The following PRRX2 variants were observed in gnomAD, a reference collection of about 807,000 sequenced individuals.
The protein encoded by PRRX2 is paired mesoderm homeobox protein 2.
Under a neutral mutation model 18.0 loss-of-function variants are expected in PRRX2, and 11 were observed. The observed-to-expected ratio is 0.61, with a 90% CI of 0.39 to 1.01. PRRX2 has a LOEUF of 1.01. Ranked by LOEUF, PRRX2 falls within the 50% of genes least tolerant of loss-of-function variation. The pLI is 0.01. For missense variants in PRRX2, 387 were observed against 351.0 expected (o/e 1.10, Z -0.82); for synonymous variants, 177 against 154.8 (o/e 1.14, Z -1.06).
chr9:129,669,329 G>A (rs1016253375), intron 1 of PRRX2, among the ~76,000 whole-genome samples: 1 of 152,250 alleles, frequency 6.6e-6, no homozygotes, highest in Non-Finnish European at 1.5e-5. Context: ...CCAGTCAAAC[G>A]CTGAGGGCTG....
intron 1 of PRRX2, among the ~76,000 whole-genome samples, chr9:129,698,257 C>CGGGGGGGGGGGG (rs56233939): frequency 4.9e-5 from 1 of 20,600 alleles, no homozygotes; most frequent in African/African-American, 1.5e-4. Flanking sequence ...TTGGATGGGG[C>CGGGGGGGGGGGG]GGGGGGGGGG....
At chr9:129,676,053 T>A (rs1588162287) in intron 1 of PRRX2, among the ~76,000 whole-genome samples, 1 of 152,170 alleles carries the variant, frequency 6.6e-6, no homozygotes, top group Admixed American at 6.5e-5. Flanking sequence ...CCACCCCAGG[T>A]GGGTGTAGAA....
At chr9:129,696,905 A>AC (rs1564150521) in intron 1 of PRRX2, among the ~76,000 whole-genome samples, 1 of 151,236 alleles carries the variant, frequency 6.6e-6, no homozygotes, top group Admixed American at 6.6e-5. Flanking sequence ...TGCAGCGCGG[A>AC]CCCCCCTGGG....
At chr9:129,688,168 C>T (rs1431600479) in intron 1 of PRRX2, among the ~76,000 whole-genome samples, 2 of 152,044 alleles carry the variant, frequency 1.3e-5, no homozygotes, top group African/African-American at 4.8e-5. Context: ...CTCAAGCCAT[C>T]CTCCCACCTC....
At chr9:129,668,637 T>G (rs1170817235) in intron 1 of PRRX2, among the ~76,000 whole-genome samples, 8 of 149,578 alleles carry the variant, frequency 5.3e-5, no homozygotes, top group Non-Finnish European at 1.2e-4. Context: ...ATTAGCCGGG[T>G]GTGGTGGTGC....
chr9:129,719,022 G>C (rs1832750312), intron 1 of PRRX2, among the ~76,000 whole-genome samples: 1 of 152,186 alleles, frequency 6.6e-6, no homozygotes, highest in African/African-American at 2.4e-5. Flanking sequence ...GTCTAGCACT[G>C]GGCCTGCCAC....
chr9:129,701,273 A>G (rs1445910549), intron 1 of PRRX2, among the ~76,000 whole-genome samples: 1 of 152,238 alleles, frequency 6.6e-6, no homozygotes, highest in Non-Finnish European at 1.5e-5. Context: ...AGCGGGAAGC[A>G]GTCTACCTGC....
chr9:129,684,533 C>CACACACACACACACACACACA (rs1832280253), intron 1 of PRRX2, among the ~76,000 whole-genome samples: 6 of 130,934 alleles, frequency 4.6e-5, no homozygotes, highest in Non-Finnish European at 6.4e-5. Flanking sequence ...CCCACACACA[C>CACACACACACACACACACACA]CCCAACAGAA....
intron 1 of PRRX2, among the ~76,000 whole-genome samples, chr9:129,701,840 C>T (rs1832501626): frequency 6.6e-6 from 1 of 152,186 alleles, no homozygotes; most frequent in South Asian, 2.1e-4. Flanking sequence ...TGGCTCACGC[C>T]TGTAATCCCA....
chr9:129,719,020 C>G (rs569150890), intron 1 of PRRX2, among the ~76,000 whole-genome samples: 2 of 152,308 alleles, frequency 1.3e-5, no homozygotes, highest in African/African-American at 2.4e-5. Context: ...GAGTCTAGCA[C>G]TGGGCCTGCC....
At chr9:129,719,167 G>C (rs1476641613) in intron 1 of PRRX2, 64 bp from the exon 2 acceptor site, 6 of 1,423,378 alleles carry the variant, frequency 4.2e-6, no homozygotes, top group Non-Finnish European at 5.6e-6. Context: ...CAGAGTTGGG[G>C]GCTGAACTGT....
chr9:129,677,389 C>T (rs1346567380), intron 1 of PRRX2, among the ~76,000 whole-genome samples: 12 of 152,250 alleles, frequency 7.9e-5, no homozygotes, highest in Non-Finnish European at 2.9e-5. Context: ...ACACTGGCCA[C>T]CTCACGCCGG....
At chr9:129,716,454 CTTT>C (rs71497484) in intron 1 of PRRX2, among the ~76,000 whole-genome samples, 20 of 137,138 alleles carry the variant, frequency 1.5e-4, no homozygotes, top group Middle Eastern at 3.8e-3. Flanking sequence ...TGCTTTCTTT[CTTT>C]TTTTTTTTTT....
chr9:129,717,227 T>C (rs973379700), intron 1 of PRRX2, among the ~76,000 whole-genome samples: 2 of 152,052 alleles, frequency 1.3e-5, no homozygotes, highest in African/African-American at 4.8e-5. Context: ...CTTTTGTCTT[T>C]GTCTTTGTTT....
At position 129,722,358 on chromosome 9, in the gene PRRX2, A is replaced by C; in HGVS notation, c.*6A>C. Reference sequence around the variant, plus strand: ...AGGTGCCTACGGTGAACTGAAGTCCAGTCCCACCAGGACCCAGACGCCTCC... The same window carrying C: ...AGGTGCCTACGGTGAACTGAAGTCCCGTCCCACCAGGACCCAGACGCCTCC... On this transcript the variant is annotated 3_prime_UTR_variant, in exon 4 of 4. Coordinates refer to ENST00000372469, the MANE Select transcript of PRRX2 (RefSeq NM_016307.4). The C allele has an allele frequency of 6.2e-7, 1 of 1,613,736 alleles. No individual in the cohort carries two copies. Among genetic ancestry groups the C allele is most frequent in the Non-Finnish European group, 8.5e-7 (1 of 1,179,918 alleles).
intron 1 of PRRX2, among the ~76,000 whole-genome samples, chr9:129,684,518 A>ACCCACACCCACACACACACACC (rs1312398778): frequency 5.2e-5 from 2 of 38,370 alleles, no homozygotes; most frequent in African/African-American, 1.4e-4. Flanking sequence ...ACACACACAC[A>ACCCACACCCACACACACACACC]CACACCCACA....
chr9:129,673,854 G>A (rs1832132859), intron 1 of PRRX2, among the ~76,000 whole-genome samples: 1 of 152,196 alleles, frequency 6.6e-6, no homozygotes, highest in African/African-American at 2.4e-5. Context: ...AGAGTCGTGG[G>A]AGCTTCCTGT....
At chr9:129,685,379 T>A (rs72770220) in intron 1 of PRRX2, among the ~76,000 whole-genome samples, 1 of 152,222 alleles carries the variant, frequency 6.6e-6, no homozygotes, top group Non-Finnish European at 1.5e-5. Context: ...TTATTTTTAT[T>A]TTTTTGAGGC....
chr9:129,682,795 A>C (rs1187969649), intron 1 of PRRX2, among the ~76,000 whole-genome samples: 1 of 152,160 alleles, frequency 6.6e-6, no homozygotes, highest in African/African-American at 2.4e-5. Flanking sequence ...TGGAGACCCC[A>C]GACCCGTCCC....
Sources: allele counts gnomAD v4.1 joint callset (sites outside exome capture counted in the v4.1 genomes callset), GRCh38; gene constraint gnomAD v4.1.1; transcripts MANE v1.5; gene names NCBI Gene and HGNC (gene_info 2026-07-23, HGNC 2026-07-21).